The following SYT1 variants were observed in gnomAD, a reference collection of about 807,000 sequenced individuals.
SYT1 encodes synaptotagmin-1.
Under a neutral mutation model 44.8 loss-of-function variants are expected in SYT1, and 8 were observed. That is an observed-to-expected ratio of 0.18 (90% confidence interval 0.10 to 0.32). SYT1 has a LOEUF of 0.32. Among genes scored for constraint, SYT1 ranks in the 10% least tolerant of loss-of-function variants. SYT1 has a pLI of 1.00. For synonymous variants in SYT1, 154 were observed against 188.8 expected (o/e 0.82, Z 1.51); for missense variants, 286 against 509.3 (o/e 0.56, Z 4.22).
intron 4 of SYT1, among the ~76,000 whole-genome samples, chr12:79,272,526 G>A (rs1161258494): frequency 3.9e-5 from 6 of 152,192 alleles, no homozygotes; most frequent in Admixed American, 3.3e-4. Flanking sequence ...GGTAGGAAAC[G>A]ACAGAAGCAC....
At chr12:79,105,676 C>T (rs905310563) in intron 3 of SYT1, among the ~76,000 whole-genome samples, 6 of 152,164 alleles carry the variant, frequency 3.9e-5, no homozygotes, top group South Asian at 2.1e-4. Flanking sequence ...GTCAGGAGAT[C>T]GAGACCATCC....
chr12:79,347,067 A>T (rs1592987115), intron 8 of SYT1, among the ~76,000 whole-genome samples: 4 of 135,130 alleles, frequency 3.0e-5, no homozygotes, highest in East Asian at 2.1e-4. Context: ...TTGAACATGG[A>T]CTAGGGCTTA....
intron 3 of SYT1, among the ~76,000 whole-genome samples, chr12:79,119,126 C>G (rs931966598): frequency 2.0e-5 from 3 of 152,056 alleles, no homozygotes; most frequent in Non-Finnish European, 4.4e-5. Flanking sequence ...ACAAAAGCAA[C>G]TAGAGAATCT....
At chr12:79,023,868 C>T (rs1278912229) in intron 2 of SYT1, among the ~76,000 whole-genome samples, 1 of 151,706 alleles carries the variant, frequency 6.6e-6, no homozygotes, top group Non-Finnish European at 1.5e-5. Flanking sequence ...AGGTTAGAGA[C>T]ATCATACCTC....
chr12:79,003,828 A>AT (rs200911357), intron 2 of SYT1, among the ~76,000 whole-genome samples: 8 of 151,290 alleles, frequency 5.3e-5, no homozygotes, highest in South Asian at 2.1e-4. Flanking sequence ...GATTACAGTT[A>AT]TTTTTTTTTC....
At chr12:79,087,281 A>G (rs1234366241) in intron 3 of SYT1, among the ~76,000 whole-genome samples, 3 of 152,158 alleles carry the variant, frequency 2.0e-5, no homozygotes, top group Non-Finnish European at 4.4e-5. Context: ...AAAAAGCAGA[A>G]GGAGAGTTAT....
intron 3 of SYT1, among the ~76,000 whole-genome samples, chr12:79,160,508 C>T (rs1870884806): frequency 6.6e-6 from 1 of 152,072 alleles, no homozygotes; most frequent in Non-Finnish European, 1.5e-5. Flanking sequence ...TCAAGACATA[C>T]TGTGAAGATG....
intron 8 of SYT1, among the ~76,000 whole-genome samples, chr12:79,333,669 G>A (rs1037130232): frequency 6.6e-6 from 1 of 151,758 alleles, no homozygotes; most frequent in Non-Finnish European, 1.5e-5. Context: ...TTTAGAAAGG[G>A]TTATTCTACT....
chr12:79,177,065 C>G (rs1278149113), intron 3 of SYT1, among the ~76,000 whole-genome samples: 1 of 129,132 alleles, frequency 7.7e-6, no homozygotes, highest in African/African-American at 3.0e-5. Flanking sequence ...TTTTATTATA[C>G]TCTAAGTTTT....
intron 4 of SYT1, among the ~76,000 whole-genome samples, chr12:79,228,341 T>C (rs1266357365): frequency 6.6e-6 from 1 of 152,166 alleles, no homozygotes; most frequent in Non-Finnish European, 1.5e-5. Flanking sequence ...CACTCTAATT[T>C]CCATCCTTTG....
chr12:79,450,065 T>G lies in SYT1; in HGVS notation c.*941T>G, dbSNP rs563109181. The G allele has an allele frequency of 3.3e-5, 5 of 152,294 alleles. No individual in the cohort carries two copies. The South Asian group carries it at 1.0e-3, about 32-fold the overall frequency. 9.4% of individuals were successfully genotyped at this position (152,294 alleles called of 1,614,324 possible). On this transcript the variant is annotated 3_prime_UTR_variant, in exon 11 of 11. Coordinates refer to ENST00000261205, the MANE Select transcript of SYT1 (RefSeq NM_005639.3). ...AAAAAGTAGCTCTCCATTATCACCT[T>G]TATACAAAATGTACATCCTGTGAAT...
intron 8 of SYT1, among the ~76,000 whole-genome samples, chr12:79,342,088 G>A (rs1005245171): frequency 7.2e-5 from 11 of 152,122 alleles, no homozygotes; most frequent in South Asian, 4.2e-4. Flanking sequence ...TGGCTGTTGC[G>A]CAGAGGGAGA....
intron 3 of SYT1, among the ~76,000 whole-genome samples, chr12:79,139,902 G>T (rs1347441267): frequency 6.6e-6 from 1 of 152,202 alleles, no homozygotes; most frequent in African/African-American, 2.4e-5. Context: ...CGCAGCTGGT[G>T]CTGCCACGTA....
At chr12:79,408,154 C>T (rs1358855681) in intron 9 of SYT1, among the ~76,000 whole-genome samples, 1 of 152,108 alleles carries the variant, frequency 6.6e-6, no homozygotes, top group East Asian at 1.9e-4. Flanking sequence ...AGGATTTGGG[C>T]AGCCCTTTCT....
At chr12:79,028,382 A>T (rs972361487) in intron 2 of SYT1, among the ~76,000 whole-genome samples, 5 of 151,576 alleles carry the variant, frequency 3.3e-5, no homozygotes, top group Admixed American at 2.6e-4. Context: ...ATACTATAGA[A>T]GTTCAAAATT....
chr12:79,026,702 T>TATATATATATATATAAAA lies in SYT1; in HGVS notation c.-83-20595_-83-20594insATATATATATATATAAAA, dbSNP rs34140383. On this transcript the variant is annotated intron_variant, in intron 2 of 10. Transcript: ENST00000261205. ...ATATATATATATATATATATATATA[T>TATATATATATATATAAAA]CACACTTTCATTGTCCATTCACTAT... Among the ~76,000 whole-genome samples the TATATATATATATATAAAA allele has an allele frequency of 4.2e-3, 530 of 125,216 alleles. 4 individuals are homozygous for TATATATATATATATAAAA. The highest frequency in any genetic ancestry group is 8.6e-3 in the East Asian group (33 of 3,828). 82.1% of individuals were successfully genotyped at this position (125,216 alleles called of 152,430 possible). A position where few individuals can be genotyped will look rare whatever the true frequency, so the allele number is the denominator to read the frequency against.
At chr12:78,894,022 C>T (rs1171560045) in intron 1 of SYT1, among the ~76,000 whole-genome samples, 2 of 151,482 alleles carry the variant, frequency 1.3e-5, no homozygotes, top group African/African-American at 4.8e-5. Context: ...GGTGAGAGCA[C>T]TGTGTTCTTT....
chr12:78,879,666 G>T (rs145006515), intron 1 of SYT1, among the ~76,000 whole-genome samples: 17 of 151,798 alleles, frequency 1.1e-4, no homozygotes, highest in African/African-American at 4.1e-4. Flanking sequence ...AATATCTTTT[G>T]AATATGTTTA....
intron 10 of SYT1, among the ~76,000 whole-genome samples, chr12:79,448,152 G>A (rs902564668): frequency 5.3e-5 from 8 of 152,120 alleles, no homozygotes; most frequent in Non-Finnish European, 1.0e-4. Context: ...AGAAAAGGAA[G>A]TCATCAAATA....
Sources: gnomAD v4.1 joint callset for allele counts (sites outside exome capture counted in the v4.1 genomes callset) on GRCh38, gnomAD v4.1.1 for gene constraint, MANE v1.5 for transcripts, NCBI Gene and HGNC (gene_info 2026-07-23, HGNC 2026-07-21) for gene names.